The following NXPH1 variants were observed in gnomAD, a reference collection of about 807,000 sequenced individuals.
NXPH1 encodes neurexophilin 1.
In NXPH1, 5 loss-of-function variants were observed where a neutral mutation model predicts 23.7. That is an observed-to-expected ratio of 0.21 (90% confidence interval 0.11 to 0.44). The LOEUF (loss-of-function observed/expected upper bound fraction) is 0.44. NXPH1 is among the 20% of genes least tolerant of loss of function. NXPH1 has a pLI of 0.99. For synonymous variants in NXPH1, 144 were observed against 122.2 expected (o/e 1.18, Z -1.18); for missense variants, 324 against 321.6 (o/e 1.01, Z -0.06).
At chr7:8,439,010 C>G (rs538317183) in intron 2 of NXPH1, among the ~76,000 whole-genome samples, 26 of 152,170 alleles carry the variant, frequency 1.7e-4, no homozygotes, top group Admixed American at 1.0e-3. Context: ...GGGAAACTAA[C>G]TTTTAAAAAT....
At chr7:8,727,116 TC>T (rs1375372321) in intron 2 of NXPH1, among the ~76,000 whole-genome samples, 5 of 148,378 alleles carry the variant, frequency 3.4e-5, no homozygotes, top group Non-Finnish European at 5.9e-5. Context: ...ATGTGTTTTT[TC>T]GGCTGCATAA....
intron 2 of NXPH1, among the ~76,000 whole-genome samples, chr7:8,654,625 T>C (rs1036871280): frequency 2.0e-5 from 3 of 152,210 alleles, no homozygotes; most frequent in African/African-American, 7.2e-5. Flanking sequence ...CCATGAGGCA[T>C]GTGGCAATAG....
At chr7:8,618,927 C>T (rs1468868745) in intron 2 of NXPH1, among the ~76,000 whole-genome samples, 1 of 152,112 alleles carries the variant, frequency 6.6e-6, no homozygotes, top group African/African-American at 2.4e-5. Flanking sequence ...TTTGCTGCTG[C>T]ATTTTTCATG....
chr7:8,587,195 A>G, intron 2 of NXPH1, among the ~76,000 whole-genome samples: 1 of 152,154 alleles, frequency 6.6e-6, no homozygotes, highest in East Asian at 1.9e-4. Context: ...ATTTGAAAAT[A>G]GTGGCTGTGC....
intron 2 of NXPH1, among the ~76,000 whole-genome samples, chr7:8,525,337 G>C (rs1352547618): frequency 3.9e-5 from 6 of 152,122 alleles, no homozygotes; most frequent in African/African-American, 1.4e-4. Context: ...TAACTTGGGT[G>C]CTATTAAAGG....
intron 2 of NXPH1, among the ~76,000 whole-genome samples, chr7:8,649,303 C>T (rs10441147): frequency 0.7 from 107,088 of 151,946 alleles, 38,535 homozygotes; most frequent in East Asian, 1. Flanking sequence ...TTATCTCTCT[C>T]TTAAAACGTA....
chr7:8,656,412 G>T (rs993545591), intron 2 of NXPH1, among the ~76,000 whole-genome samples: 1 of 151,838 alleles, frequency 6.6e-6, no homozygotes, highest in South Asian at 2.1e-4. Flanking sequence ...CTGGGAGCAA[G>T]GTGTTGTTAT....
At chr7:8,719,903 A>C (rs1426443406) in intron 2 of NXPH1, among the ~76,000 whole-genome samples, 1 of 152,190 alleles carries the variant, frequency 6.6e-6, no homozygotes, top group Non-Finnish European at 1.5e-5. Flanking sequence ...CTAATTCTCA[A>C]AATAACACTG....
intron 2 of NXPH1, among the ~76,000 whole-genome samples, chr7:8,446,540 G>GATCC (rs1816406921): frequency 2.6e-5 from 4 of 152,144 alleles, no homozygotes; most frequent in Non-Finnish European, 5.9e-5. Context: ...AGGAATAGAG[G>GATCC]TTTTGATTTT....
chr7:8,523,483 A>G (rs1203874604), intron 2 of NXPH1, among the ~76,000 whole-genome samples: 1 of 152,208 alleles, frequency 6.6e-6, no homozygotes, highest in African/African-American at 2.4e-5. Flanking sequence ...TTTTCTCTAC[A>G]CTAGCACTTC....
chr7:8,439,665 C>A (rs1360709744), intron 2 of NXPH1, among the ~76,000 whole-genome samples: 1 of 152,188 alleles, frequency 6.6e-6, no homozygotes, highest in African/African-American at 2.4e-5. Flanking sequence ...TCTATTCTCT[C>A]AAATTTGGGA....
chr7:8,625,948 A>G (rs746889900), intron 2 of NXPH1, among the ~76,000 whole-genome samples: 13 of 152,284 alleles, frequency 8.5e-5, no homozygotes, highest in African/African-American at 1.4e-4. Context: ...GATTTTCTCT[A>G]TGACCTTCAA....
intron 2 of NXPH1, among the ~76,000 whole-genome samples, chr7:8,621,339 G>A (rs988976730): frequency 6.6e-6 from 1 of 152,124 alleles, no homozygotes; most frequent in Non-Finnish European, 1.5e-5. Flanking sequence ...GTTTGAGGAA[G>A]GTAGTGACTC....
chr7:8,636,861 TCTTTAAC>T (rs1332913460), intron 2 of NXPH1, among the ~76,000 whole-genome samples: 1 of 150,774 alleles, frequency 6.6e-6, no homozygotes, highest in East Asian at 2.0e-4. Flanking sequence ...GTATTGGATT[TCTTTAAC>T]TAGTGAAATG....
intron 2 of NXPH1, among the ~76,000 whole-genome samples, chr7:8,591,728 A>C (rs544138165): frequency 6.6e-6 from 1 of 152,130 alleles, no homozygotes; most frequent in East Asian, 1.9e-4. Context: ...GTGTGTTTTA[A>C]TGTGGTAGGT....
At chr7:8,500,244 T>A (rs1584195620) in intron 2 of NXPH1, among the ~76,000 whole-genome samples, 3 of 152,192 alleles carry the variant, frequency 2.0e-5, no homozygotes, top group Admixed American at 2.0e-4. Flanking sequence ...AAGTTTTACT[T>A]CAGCAGCATC....
At chr7:8,478,962 C>T (rs1240601065) in intron 2 of NXPH1, among the ~76,000 whole-genome samples, 1 of 151,884 alleles carries the variant, frequency 6.6e-6, no homozygotes, top group Non-Finnish European at 1.5e-5. Flanking sequence ...AATGTTGTTC[C>T]CTTGAGAACT....
intron 2 of NXPH1, among the ~76,000 whole-genome samples, chr7:8,616,159 C>G (rs1819732189): frequency 6.6e-6 from 1 of 152,004 alleles, no homozygotes; most frequent in African/African-American, 2.4e-5. Flanking sequence ...TTTCTGACCT[C>G]ATGATCTTTC....
intron 2 of NXPH1, among the ~76,000 whole-genome samples, chr7:8,676,350 G>A (rs1392685384): frequency 6.6e-6 from 1 of 152,144 alleles, no homozygotes; most frequent in East Asian, 1.9e-4. Flanking sequence ...TGGCTTGTGT[G>A]TATTAAGATG....
Sources: allele counts gnomAD v4.1 joint callset (sites outside exome capture counted in the v4.1 genomes callset), GRCh38; gene constraint gnomAD v4.1.1; transcripts MANE v1.5; gene names NCBI Gene and HGNC (gene_info 2026-07-23, HGNC 2026-07-21).